Variants in DNAH2 observed in about 807,000 individuals in gnomAD.
DNAH2 encodes axonemal beta dynein heavy chain 2.
In DNAH2, 323 loss-of-function variants were observed where a neutral mutation model predicts 523.5. The ratio of observed to expected loss-of-function variants is 0.62; its 90% CI spans 0.56 to 0.68. DNAH2 has a LOEUF of 0.68. Among genes scored for constraint, DNAH2 ranks in the 30% least tolerant of loss-of-function variants. The pLI is 0.00. For missense variants in DNAH2, 4,907 were observed against 5,701.5 expected (o/e 0.86, Z 4.49); for synonymous variants, 2,093 against 2,177.4 (o/e 0.96, Z 1.08).
intron 20 of DNAH2, 120 bp downstream of exon 20, chr17:7,764,393 A>T: frequency 8.1e-7 from 1 of 1,234,060 alleles, no homozygotes; most frequent in Admixed American, 2.4e-5. Flanking sequence ...TCTAGATTTG[A>T]AAGCCAAAGC....
chr17:7,795,075 G>A lies in DNAH2; in HGVS notation c.7674+717G>A, dbSNP rs547118068. Among the ~76,000 whole-genome samples the A allele has an allele frequency of 5.9e-5, 9 of 152,144 alleles. No homozygotes were observed. In the South Asian group the frequency reaches 1.9e-3, roughly 32 times the overall value. ...TGACATTTTATTGATCCTATGGAGTGGGAAGGAGAACTGGAGAAGTATGTG... is the reference window on the plus strand; with the variant it reads ...TGACATTTTATTGATCCTATGGAGTAGGAAGGAGAACTGGAGAAGTATGTG... On this transcript the variant is annotated intron_variant, in intron 49 of 85. Transcript: ENST00000572933.
In DNAH2 at chr17:7,758,905, G is replaced by A; in HGVS notation, c.2229G>A (p.Glu743=). ...HASKVQMIVN[E]FKASTLTIGW... The stretch of plus-strand genomic sequence containing the variant: ...TCTAGGTGCAGATGATTGTGAATGA[G>A]TTCAAGGCATCCACTCTGACCATTG... The change falls in exon 15 of 86, where the codon GAG becomes GAA. Residue 743 remains glutamate (E), a synonymous_variant. Coordinates refer to ENST00000572933, the MANE Select transcript of DNAH2 (RefSeq NM_020877.5). 1 of 1,614,134 alleles carries A rather than the reference G, an allele frequency of 6.2e-7. No individual in the cohort carries two copies. Among genetic ancestry groups the A allele is most frequent in the Non-Finnish European group, 8.5e-7 (1 of 1,180,040 alleles).
chr17:7,790,690 A>G (rs1366923925), intron 44 of DNAH2, among the ~76,000 whole-genome samples: 2 of 150,760 alleles, frequency 1.3e-5, no homozygotes, highest in Non-Finnish European at 3.0e-5. Flanking sequence ...ATGTTTGTGT[A>G]TGTCATTCCA....
At chr17:7,779,158 C>T in intron 35 of DNAH2, 85 bp from the exon 36 acceptor site, 1 of 1,520,548 alleles carries the variant, frequency 6.6e-7, no homozygotes, top group South Asian at 1.2e-5. Context: ...CCTATTGAAA[C>T]ATTTGAAGGA....
At chr17:7,727,379 C>G in intron 4 of DNAH2, 87 bp downstream of exon 4, 1 of 1,508,410 alleles carries the variant, frequency 6.6e-7, no homozygotes, top group Non-Finnish European at 8.9e-7. Flanking sequence ...GTCTTGTCAT[C>G]TCCTGTGCCC....
intron 2 of DNAH2, 36 bp downstream of exon 2, chr17:7,719,936 G>A (rs748405182): frequency 1.4e-6 from 2 of 1,464,308 alleles, no homozygotes; most frequent in Admixed American, 5.4e-5. Flanking sequence ...GCTTAGCAAT[G>A]GAGGGTGGGG....
At chr17:7,802,829 A>ATTT (rs34264918) in intron 58 of DNAH2, among the ~76,000 whole-genome samples, 2 of 140,774 alleles carry the variant, frequency 1.4e-5, no homozygotes, top group South Asian at 2.3e-4. Context: ...ATGCCCAGCT[A>ATTT]TTTTTTTTTT....
intron 61 of DNAH2, 75 bp downstream of exon 61, chr17:7,805,468 T>G: frequency 6.3e-7 from 1 of 1,596,046 alleles, no homozygotes; most frequent in Non-Finnish European, 8.5e-7. Context: ...CAGCAGACAC[T>G]CAGAAAGATA....
intron 2 of DNAH2, among the ~76,000 whole-genome samples, chr17:7,720,404 T>C (rs760072033): frequency 2.0e-5 from 3 of 152,178 alleles, no homozygotes; most frequent in Non-Finnish European, 2.9e-5. Context: ...TGGCAGGGAC[T>C]TGGTAGACTG....
At chr17:7,799,382 T>C (rs2077160043) in intron 56 of DNAH2, 140 bp downstream of exon 56, 2 of 1,243,580 alleles carry the variant, frequency 1.6e-6, no homozygotes, top group Non-Finnish European at 2.2e-6. Context: ...TTCCTTAGGC[T>C]GTGCCTGATT....
chr17:7,750,471 G>C (rs949096395), intron 12 of DNAH2, among the ~76,000 whole-genome samples: 5 of 152,028 alleles, frequency 3.3e-5, no homozygotes, highest in Non-Finnish European at 7.4e-5. Context: ...TGTTTTGTTG[G>C]TGTGTATCCA....
chr17:7,768,119 C>T, intron 23 of DNAH2, 45 bp from the exon 24 acceptor site: 1 of 1,614,128 alleles, frequency 6.2e-7, no homozygotes, highest in South Asian at 1.1e-5. Context: ...GGGTCTGTTC[C>T]CAGGGAGGTC....
chr17:7,797,781 T>A lies in DNAH2; in HGVS notation c.8182T>A (p.Ser2728Thr). The change falls in exon 53 of 86, where the codon TCT (serine) becomes ACT (threonine). Residue 2728 changes from serine to threonine, a missense_variant. Coordinates refer to ENST00000572933, the MANE Select transcript of DNAH2 (RefSeq NM_020877.5). ...TCTAAATGAGTATAACCTGTCACCC[T>A]CTGTCGTGCCCATGCAGCTAGTGCT... ...TALNEYNLSP[S>T]VVPMQLVLFR... 1 of 1,614,064 alleles carries A rather than the reference T, an allele frequency of 6.2e-7. No individual in the cohort carries two copies. The highest frequency in any genetic ancestry group is 8.5e-7 in the Non-Finnish European group (1 of 1,179,990).
In DNAH2 at chr17:7,833,175, C is replaced by T. The variant is rs2078237347; in HGVS notation, c.13083C>T (p.Pro4361=). 1 of 1,609,284 alleles carries T rather than the reference C, an allele frequency of 6.2e-7. No individual in the cohort carries two copies. The highest frequency in any genetic ancestry group is 8.5e-7 in the Non-Finnish European group (1 of 1,180,024). ...AEPMQLVCLM[P]TIHFRPAESR... ...CCATGCAGCTTGTCTGCCTCATGCC[C>T]ACGATCCACTTCCGGCCTGCAGAGA... The change falls in exon 85 of 86, where the codon CCC becomes CCT. Residue 4361 remains proline, a synonymous_variant. Coordinates refer to ENST00000572933, the MANE Select transcript of DNAH2 (RefSeq NM_020877.5).
At chr17:7,775,399 A>G in intron 30 of DNAH2, 57 bp downstream of exon 30, 1 of 1,536,470 alleles carries the variant, frequency 6.5e-7, no homozygotes, top group South Asian at 1.2e-5. Context: ...CAGAAAGTTC[A>G]CCTGGGTCGG....
In DNAH2 at chr17:7,833,132, G is replaced by T; in HGVS notation, c.13040G>T (p.Cys4347Phe). ...EGAGWDRKNSCLVEAEPMQLV... is the reference protein window; with the variant it reads ...EGAGWDRKNSFLVEAEPMQLV... ...GCTGGCTGGGACCGGAAGAACTCCT[G>T]CTTGGTGGAGGCAGAGCCCATGCAG... The change falls in exon 85 of 86, where the codon TGC (cysteine) becomes TTC (phenylalanine). Residue 4347 changes from cysteine to phenylalanine, a missense_variant. Physicochemically the swap from Cys to Phe is radical, Grantham distance 205. Coordinates refer to ENST00000572933, the MANE Select transcript of DNAH2 (RefSeq NM_020877.5). The T allele has an allele frequency of 6.2e-7, 1 of 1,612,256 alleles. No individual in the cohort carries two copies.
Position 7,760,659 on chromosome 17 carries a change from T to G in DNAH2, c.2786-81T>G, listed in dbSNP as rs1363313804. On this transcript the variant is annotated intron_variant, in intron 17 of 85. Coordinates refer to ENST00000572933, the MANE Select transcript of DNAH2 (RefSeq NM_020877.5). This position sits in a 1 kb window ranked among gnomAD's most constrained non-coding sequence, Gnocchi z 4.0. Reference sequence around the variant, plus strand: ...GGGAAGCTGGTTTTAGAGTGGAAGGTCTGGAGCAGTGGGCAGGGCTCAGGC... The same window carrying G: ...GGGAAGCTGGTTTTAGAGTGGAAGGGCTGGAGCAGTGGGCAGGGCTCAGGC... 2 of 1,390,590 alleles carry G rather than the reference T, an allele frequency of 1.4e-6. No individual in the cohort carries two copies. The allele number at this position is 1,390,590 out of a possible 1,614,324, so 86.1% of individuals were successfully genotyped here. A position where few individuals can be genotyped will look rare whatever the true frequency, so the allele number is the denominator to read the frequency against.
Position 7,786,439 on chromosome 17 carries a change from A to G in DNAH2, c.6348+97A>G. The G allele has an allele frequency of 6.7e-7, 1 of 1,494,292 alleles. No individual in the cohort carries two copies. The highest frequency in any genetic ancestry group is 9.1e-7 in the Non-Finnish European group (1 of 1,097,656). 92.6% of individuals were successfully genotyped at this position (1,494,292 alleles called of 1,614,324 possible). The stretch of plus-strand genomic sequence containing the variant: ...AGGGAGGACCTTGCAAGGCCGGGAG[A>G]GCTGTACCTGGGACCATGGTGGCCT... On this transcript the variant is annotated intron_variant, in intron 40 of 85. Transcript: ENST00000572933. The surrounding 1 kb of genome is among the most constrained non-coding windows in gnomAD (Gnocchi z 7.5).
rs1388499965 is a variant in DNAH2 at position 7,792,129 on chromosome 17, C to G, written c.7053+60C>G. Reference sequence around the variant, plus strand: ...TTTTTCCAGACCCCCTGGGCATCCCCCATCTCAGGCTCTGCTTGGGTTTCC... The same window carrying G: ...TTTTTCCAGACCCCCTGGGCATCCCGCATCTCAGGCTCTGCTTGGGTTTCC... On this transcript the variant is annotated intron_variant, in intron 45 of 85. Coordinates refer to ENST00000572933, the MANE Select transcript of DNAH2 (RefSeq NM_020877.5). The G allele has an allele frequency of 1.2e-5, 19 of 1,604,590 alleles. No homozygotes were observed. The East Asian group carries it at 4.0e-4, about 34-fold the overall frequency.
Sources: allele counts gnomAD v4.1 joint callset (sites outside exome capture counted in the v4.1 genomes callset), GRCh38; gene constraint gnomAD v4.1.1; non-coding constraint Gnocchi (gnomAD v3.1); transcripts MANE v1.5; gene names NCBI Gene and HGNC (gene_info 2026-07-23, HGNC 2026-07-21).